Variants in RARB observed in about 807,000 individuals in gnomAD.
RARB encodes HBV-activated protein.
Under a neutral mutation model 51.9 loss-of-function variants are expected in RARB, and 17 were observed. That is an observed-to-expected ratio of 0.33 (90% CI 0.22 to 0.49). RARB has a LOEUF of 0.49. Among genes scored for constraint, RARB ranks in the 20% least tolerant of loss-of-function variants. The probability of loss-of-function intolerance (pLI) is 0.99; values close to 1 mark genes in which losing one functional copy is unlikely to be tolerated. For missense variants in RARB, 369 were observed against 550.8 expected (o/e 0.67, Z 3.30); for synonymous variants, 215 against 195.4 (o/e 1.10, Z -0.84).
At chr3:24,974,583 A>G (rs1180795222) in intron 2 of RARB, among the ~76,000 whole-genome samples, 2 of 152,118 alleles carry the variant, frequency 1.3e-5, no homozygotes, top group African/African-American at 4.8e-5. Context: ...TACATCAATA[A>G]TCTCTTAAAT....
chr3:25,047,198 G>C (rs1698234973), intron 2 of RARB, among the ~76,000 whole-genome samples: 2 of 152,234 alleles, frequency 1.3e-5, no homozygotes, highest in South Asian at 4.2e-4. Context: ...TGGGTAATTA[G>C]GTAATTCCAA....
At chr3:25,181,027 G>C (rs1700849989) in intron 5 of RARB, among the ~76,000 whole-genome samples, 1 of 152,152 alleles carries the variant, frequency 6.6e-6, no homozygotes. Context: ...TTCTAAGGTT[G>C]CTCAGTGGTG....
chr3:25,027,607 T>C (rs775080079), intron 2 of RARB, among the ~76,000 whole-genome samples: 16 of 95,742 alleles, frequency 1.7e-4, no homozygotes, highest in Admixed American at 4.2e-4. Flanking sequence ...AGGTACACTT[T>C]ATGGAAAGGA....
chr3:25,243,760 C>T (rs906044562), intron 5 of RARB, among the ~76,000 whole-genome samples: 8 of 152,132 alleles, frequency 5.3e-5, no homozygotes, highest in Admixed American at 2.6e-4. Flanking sequence ...GGGATATTGG[C>T]CTGAAATTTT....
chr3:24,919,587 CTG>C (rs1177026894), intron 2 of RARB, among the ~76,000 whole-genome samples: 1 of 152,154 alleles, frequency 6.6e-6, no homozygotes, highest in Non-Finnish European at 1.5e-5. Flanking sequence ...TGGAATCTCT[CTG>C]AGCCTACTCT....
chr3:25,158,242 C>A (rs1455604541), intron 4 of RARB, among the ~76,000 whole-genome samples: 1 of 152,186 alleles, frequency 6.6e-6, no homozygotes, highest in Non-Finnish European at 1.5e-5. Flanking sequence ...AGAGATCACA[C>A]CATCACCTTA....
At chr3:25,131,169 A>G (rs1234774968) in intron 3 of RARB, among the ~76,000 whole-genome samples, 1 of 151,962 alleles carries the variant, frequency 6.6e-6, no homozygotes, top group African/African-American at 2.4e-5. Context: ...AATCAAACCC[A>G]AAAGTTATGC....
Position 25,591,053 on chromosome 3 carries a change from G to A in RARB, c.787-2450G>A, listed in dbSNP as rs184774838. Among the ~76,000 whole-genome samples, 34 of 152,322 alleles carry A rather than the reference G, an allele frequency of 2.2e-4. No individual in the cohort carries two copies. In the East Asian group the frequency reaches 6.0e-3, roughly 27 times the overall value. On this transcript the variant is annotated intron_variant, in intron 5 of 7. Transcript: ENST00000330688. ...TCAGTTACCAAGATGAAGTGAAACA[G>A]GTCAACCAGTTGGGAAACCAGTGGA...
rs1421524250 is a variant in RARB, at chr3:25,597,686, C to T, written c.*1070C>T. 1 of 152,558 alleles carries T rather than the reference C, an allele frequency of 6.6e-6. No homozygotes were observed. The highest frequency in any genetic ancestry group is 1.5e-5 in the Non-Finnish European group (1 of 68,014). The allele number at this position is 152,558 out of a possible 1,614,324, so 9.5% of individuals were successfully genotyped here. A position where few individuals can be genotyped will look rare whatever the true frequency, so the allele number is the denominator to read the frequency against. Reference sequence around the variant, plus strand: ...AGAATCTGCCTCCTTTGACCTTGTTCAATCACTATGAAGCAGAGTGAAAGC... The same window carrying T: ...AGAATCTGCCTCCTTTGACCTTGTTTAATCACTATGAAGCAGAGTGAAAGC... On this transcript the variant is annotated 3_prime_UTR_variant, in exon 8 of 8. Transcript: ENST00000330688.
chr3:25,502,896 C>T (rs944518527), intron 3 of RARB, among the ~76,000 whole-genome samples: 1 of 152,214 alleles, frequency 6.6e-6, no homozygotes, highest in Non-Finnish European at 1.5e-5. Flanking sequence ...AACCAGCCAA[C>T]CCTATGAAAC....
At chr3:25,106,450 TGTTTTTTG>T (rs1699503062) in intron 3 of RARB, among the ~76,000 whole-genome samples, 7 of 87,856 alleles carry the variant, frequency 8.0e-5, no homozygotes, top group Non-Finnish European at 1.3e-4. Flanking sequence ...TACTGTTTTT[TGTTTTTTG>T]TTTTTTTTTG....
intron 5 of RARB, among the ~76,000 whole-genome samples, chr3:25,386,161 A>G (rs939220418): frequency 3.9e-4 from 59 of 152,338 alleles, no homozygotes; most frequent in African/African-American, 1.3e-3. Context: ...AACCACAGAA[A>G]GAGGGCATCT....
intron 2 of RARB, among the ~76,000 whole-genome samples, chr3:24,906,404 GAC>G (rs2125375568): frequency 6.6e-6 from 1 of 152,288 alleles, no homozygotes; most frequent in African/African-American, 2.4e-5. Context: ...TTTGACAAAT[GAC>G]AGAGTCAAGG....
At chr3:25,497,641 C>T (rs981252286) in intron 2 of RARB, among the ~76,000 whole-genome samples, 1 of 152,164 alleles carries the variant, frequency 6.6e-6, no homozygotes, top group African/African-American at 2.4e-5. Flanking sequence ...GTGACTTGCT[C>T]AAGTCCTCTC....
chr3:25,042,704 T>C (rs1698137643), intron 2 of RARB, among the ~76,000 whole-genome samples: 1 of 152,246 alleles, frequency 6.6e-6, no homozygotes, highest in South Asian at 2.1e-4. Flanking sequence ...TGTGTAGTTA[T>C]TGAATGTCCA....
intron 2 of RARB, among the ~76,000 whole-genome samples, chr3:24,859,069 A>G (rs947970286): frequency 7.9e-6 from 1 of 125,850 alleles, no homozygotes; most frequent in African/African-American, 2.9e-5. Context: ...AAAAAAAAAA[A>G]GTTCCTTAAT....
At chr3:24,943,987 T>C (rs1285147453) in intron 2 of RARB, among the ~76,000 whole-genome samples, 3 of 152,182 alleles carry the variant, frequency 2.0e-5, no homozygotes, top group Admixed American at 1.3e-4. Flanking sequence ...TGAATAATAA[T>C]ATTGTGAATA....
Position 24,989,774 on chromosome 3 carries a change from CTTTTTTTTTTTTTTTTTTTTTTT to C in RARB, c.-379-70337_-379-70315del, listed in dbSNP as rs769275874. Among the ~76,000 whole-genome samples, 9 of 29,532 alleles carry C rather than the reference CTTTTTTTTTTTTTTTTTTTTTTT, an allele frequency of 3.0e-4. 3 individuals carry two copies. The highest frequency in any genetic ancestry group is 1.1e-3 in the African/African-American group (9 of 7,882). The allele number at this position is 29,532 out of a possible 152,430, so 19.4% of individuals were successfully genotyped here. A position where few individuals can be genotyped will look rare whatever the true frequency, so the allele number is the denominator to read the frequency against. On this transcript the variant is annotated intron_variant, in intron 2 of 11. Transcript: ENST00000383772. ...ATTTTAACTGTTGTCATATGTTTTT[CTTTTTTTTTTTTTTTTTTTTTTT>C]TTTTTTTTTTTTTGAGACGGAGTCT...
chr3:24,964,637 T>C (rs1696214265), intron 2 of RARB, among the ~76,000 whole-genome samples: 1 of 152,206 alleles, frequency 6.6e-6, no homozygotes, highest in African/African-American at 2.4e-5. Flanking sequence ...ATGCATGCCC[T>C]GTCCATAAGT....
Sources: allele counts gnomAD v4.1 joint callset (sites outside exome capture counted in the v4.1 genomes callset), GRCh38; gene constraint gnomAD v4.1.1; transcripts MANE v1.5; gene names NCBI Gene and HGNC (gene_info 2026-07-23, HGNC 2026-07-21).